TMEM61: variants seen among roughly 807,000 people sequenced by gnomAD.
TMEM61 encodes the protein transmembrane protein 61.
A neutral mutation model predicts 12.0 loss-of-function variants in TMEM61; 13 were observed. That is an observed-to-expected ratio of 1.08 (90% confidence interval 0.70 to 1.72). The LOEUF is 1.72. Among genes scored for constraint, TMEM61 ranks in the 40% most tolerant of loss-of-function variants. The pLI is 0.00. For missense variants in TMEM61, 249 were observed against 276.9 expected, an observed-to-expected ratio of 0.90 and a Z score of 0.71; for synonymous variants, 109 against 121.4, an observed-to-expected ratio of 0.90 and a Z score of 0.67.
intron 1 of TMEM61, among the ~76,000 whole-genome samples, chr1:54,984,863 T>C (rs1381472661): frequency 6.6e-6 from 1 of 152,152 alleles, no homozygotes; most frequent in African/African-American, 2.4e-5. Context: ...GAAGGTACAA[T>C]GGACAGCCTA....
chr1:54,985,649 G>GT (rs1644252497), intron 1 of TMEM61, among the ~76,000 whole-genome samples: 1 of 152,146 alleles, frequency 6.6e-6, no homozygotes. Context: ...CCTCTATTCA[G>GT]TAACAGTGTC....
Position 54,986,138 on chromosome 1 carries a change from C to A in TMEM61, c.57C>A (p.Cys19Ter). The A allele has an allele frequency of 6.2e-7, 1 of 1,607,708 alleles. No individual in the cohort carries two copies. Among genetic ancestry groups the A allele is most frequent in the Non-Finnish European group, 8.5e-7 (1 of 1,175,382 alleles). The change falls in exon 2 of 3, where the codon TGC becomes TGA. Residue 19 changes from cysteine (C) to a stop codon, truncating the protein, a stop_gained. Coordinates refer to ENST00000371268, the MANE Select transcript of TMEM61 (RefSeq NM_182532.3). LOFTEE classifies it high-confidence loss of function. ...GSHLASTLRY[C>*]MTVSGTVVLV... is the part of the protein sequence containing the mutation. Reference sequence around the variant, plus strand: ...ACTTGGCCTCCACCCTCCGCTATTGCATGACAGTCAGCGGCACAGTGGTTC... The same window carrying A: ...ACTTGGCCTCCACCCTCCGCTATTGAATGACAGTCAGCGGCACAGTGGTTC...
intron 1 of TMEM61, among the ~76,000 whole-genome samples, 170 bp from the exon 2 acceptor site, chr1:54,985,927 G>A (rs1182186577): frequency 6.6e-6 from 1 of 152,172 alleles, no homozygotes. Context: ...AGAATAGCCC[G>A]GCAAAGTCAG....
At chr1:54,982,313 G>C (rs1221380218) in intron 1 of TMEM61, among the ~76,000 whole-genome samples, 1 of 152,184 alleles carries the variant, frequency 6.6e-6, no homozygotes, top group Non-Finnish European at 1.5e-5. Flanking sequence ...GTAAGCAGAG[G>C]GCGCTCCAGG....
At chr1:54,986,542 C>T in intron 2 of TMEM61, 96 bp downstream of exon 2, 1 of 1,102,168 alleles carries the variant, frequency 9.1e-7, no homozygotes. Flanking sequence ...AGCAAATTCT[C>T]ATGGGGTTCC....
chr1:54,992,227 T>A lies in TMEM61; in HGVS notation c.*124T>A. The A allele has an allele frequency of 1.7e-6, 2 of 1,189,264 alleles. No homozygotes were observed. The highest frequency in any genetic ancestry group is 2.3e-6 in the Non-Finnish European group (2 of 853,396). 73.7% of individuals were successfully genotyped at this position (1,189,264 alleles called of 1,614,324 possible). A position where few individuals can be genotyped will look rare whatever the true frequency, so the allele number is the denominator to read the frequency against. ...GTTGTTGAAGGCTGTTCTATTTATC[T>A]ATTGCTGTATAACAAACCACCCCAG... On this transcript the variant is annotated 3_prime_UTR_variant, in exon 3 of 3. Transcript: ENST00000371268.
At chr1:54,987,388 T>C (rs1644268024) in intron 2 of TMEM61, among the ~76,000 whole-genome samples, 2 of 152,050 alleles carry the variant, frequency 1.3e-5, no homozygotes, top group African/African-American at 4.8e-5. Context: ...ATTTTCATTA[T>C]GGGTCTCCCC....
At chr1:54,991,692 C>T (rs764205417) in intron 2 of TMEM61, 144 bp from the exon 3 acceptor site, 34 of 1,005,650 alleles carry the variant, frequency 3.4e-5, no homozygotes, top group Non-Finnish European at 4.7e-5. Context: ...CAAGTTTCAA[C>T]TGCGTATATG....
Position 54,986,238 on chromosome 1 carries a change from C to T in TMEM61, c.157C>T (p.Pro53Ser), listed in dbSNP as rs781032962. The T allele has an allele frequency of 3.7e-6, 6 of 1,613,838 alleles. No homozygotes were observed. The highest frequency in any genetic ancestry group is 2.2e-5 in the South Asian group (2 of 91,072). The change falls in exon 2 of 3, where the codon CCC (proline) becomes TCC (serine). Residue 53 changes from proline to serine, a missense_variant. Coordinates refer to ENST00000371268, the MANE Select transcript of TMEM61 (RefSeq NM_182532.3). ...CGCCCAGCCTGGCCAGCTGGCCCCA[C>T]CCACGGAGTATCCGGTGCCTGAGGG... The part of the protein sequence containing the change: ...ATAQPGQLAP[P>S]TEYPVPEGPS...
chr1:54,991,821 C>T lies in TMEM61; in HGVS notation c.366-15C>T, dbSNP rs746261344. 6.8e-6 allele frequency: 11 copies of T among 1,612,580 alleles called. No homozygotes were observed. Among genetic ancestry groups the T allele is most frequent in the Non-Finnish European group, 8.5e-6 (10 of 1,179,238 alleles). The stretch of plus-strand genomic sequence containing the variant: ...GCCCCAGCCCCTGCTAACAGCCTCT[C>T]TTCTGTTCCTGCAGGACCCCCAAAG... On this transcript the variant is annotated splice_polypyrimidine_tract_variant and intron_variant, in intron 2 of 2. Transcript: ENST00000371268.
At chr1:54,985,091 A>AAATGGGCT (rs1644248658) in intron 1 of TMEM61, among the ~76,000 whole-genome samples, 1 of 152,254 alleles carries the variant, frequency 6.6e-6, no homozygotes, top group Non-Finnish European at 1.5e-5. Context: ...TTTTTTAAAA[A>AAATGGGCT]AATGGGCTAA....
intron 2 of TMEM61, among the ~76,000 whole-genome samples, chr1:54,988,763 A>G (rs1443074690): frequency 6.6e-6 from 1 of 152,246 alleles, no homozygotes; most frequent in African/African-American, 2.4e-5. Context: ...GCTGGGTGCT[A>G]TTCAGAGAAC....
rs139230362 is a variant in TMEM61 at position 54,984,381 on chromosome 1, G to A, written c.16-1716G>A. On this transcript the variant is annotated intron_variant, in intron 1 of 2. Coordinates refer to ENST00000371268, the MANE Select transcript of TMEM61 (RefSeq NM_182532.3). ...CTCCTAGAGAGCCTGCCTTTTATCC[G>A]ATGAGGAAGCAGGCCCGGGGCAGGT... Among the ~76,000 whole-genome samples, 13 of 152,272 alleles carry A rather than the reference G, an allele frequency of 8.5e-5. No individual in the cohort carries two copies. In the East Asian group the frequency reaches 1.7e-3, roughly 20 times the overall value.
intron 2 of TMEM61, among the ~76,000 whole-genome samples, chr1:54,987,872 G>T (rs1396431060): frequency 6.6e-6 from 1 of 152,228 alleles, no homozygotes; most frequent in African/African-American, 2.4e-5. Flanking sequence ...CTTCCTCCCT[G>T]TTTTAACAGG....
chr1:54,987,262 C>T (rs910083969), intron 2 of TMEM61, among the ~76,000 whole-genome samples: 2 of 152,216 alleles, frequency 1.3e-5, no homozygotes. Context: ...CAAATGTCAA[C>T]TTTTCCTCTA....
In TMEM61 at chr1:54,981,172, C is replaced by T. The variant is rs1293025668; in HGVS notation, c.15+92C>T. On this transcript the variant is annotated intron_variant, in intron 1 of 2. Coordinates refer to ENST00000371268, the MANE Select transcript of TMEM61 (RefSeq NM_182532.3). Reference sequence around the variant, plus strand: ...GACCCCTTCCCCTAACCTCGGTCACCGTGGCTTGGTGGGCAGTGTGGACAC... The same window carrying T: ...GACCCCTTCCCCTAACCTCGGTCACTGTGGCTTGGTGGGCAGTGTGGACAC... The T allele has an allele frequency of 2.3e-5, 33 of 1,450,584 alleles. No homozygotes were observed. In the South Asian group the frequency reaches 4.3e-4, roughly 19 times the overall value. The allele number at this position is 1,450,584 out of a possible 1,614,324, so 89.9% of individuals were successfully genotyped here.
chr1:54,988,607 T>G (rs1231069832), intron 2 of TMEM61, among the ~76,000 whole-genome samples: 1 of 152,234 alleles, frequency 6.6e-6, no homozygotes, highest in Non-Finnish European at 1.5e-5. Context: ...TGGTGCCCGC[T>G]GTGGGTAACT....
At chr1:54,981,778 A>C (rs1467434445) in intron 1 of TMEM61, among the ~76,000 whole-genome samples, 1 of 152,172 alleles carries the variant, frequency 6.6e-6, no homozygotes, top group Admixed American at 6.5e-5. Flanking sequence ...CTAGACTTTT[A>C]CTGAAGATGC....
At chr1:54,982,583 G>A (rs1439456500) in intron 1 of TMEM61, among the ~76,000 whole-genome samples, 1 of 152,190 alleles carries the variant, frequency 6.6e-6, no homozygotes, top group East Asian at 1.9e-4. Context: ...CCGACCCCAT[G>A]TGAGAACACG....
Sources: allele counts gnomAD v4.1 joint callset (sites outside exome capture counted in the v4.1 genomes callset), GRCh38; gene constraint gnomAD v4.1.1; transcripts MANE v1.5; gene names NCBI Gene and HGNC (gene_info 2026-07-23, HGNC 2026-07-21).